The following SAMD12 variants were observed in gnomAD, a reference collection of about 807,000 sequenced individuals.
SAMD12 encodes the protein sterile alpha motif domain-containing protein 12.
SAMD12 carries 9 observed loss-of-function variants against 15.0 expected under a neutral mutation model. The ratio of observed to expected loss-of-function variants is 0.60; its 90% CI spans 0.36 to 1.05. SAMD12 has a LOEUF of 1.05. Ranked by LOEUF, SAMD12 falls within the 50% of genes least tolerant of loss-of-function variation. The pLI is 0.01. For missense variants in SAMD12, 230 were observed against 234.2 expected, an observed-to-expected ratio of 0.98 and a Z score of 0.12; for synonymous variants, 86 against 90.1, an observed-to-expected ratio of 0.96 and a Z score of 0.25.
At chr8:118,156,864 G>A in the SAMD12 span, among the ~76,000 whole-genome samples, 1 of 151,916 alleles carries the variant, frequency 6.6e-6, no homozygotes, top group Non-Finnish European at 1.5e-5. Context: ...GATGCTCTTT[G>A]CAGTTATCAA....
the SAMD12 span, among the ~76,000 whole-genome samples, chr8:118,153,988 A>G: frequency 6.6e-6 from 1 of 152,068 alleles, no homozygotes; most frequent in East Asian, 1.9e-4. Context: ...TTTGTCTTTT[A>G]TTTGGATTGC....
intron 3 of SAMD12, among the ~76,000 whole-genome samples, chr8:118,392,032 T>C (rs1820302517): frequency 6.6e-6 from 1 of 152,186 alleles, no homozygotes; most frequent in Non-Finnish European, 1.5e-5. Flanking sequence ...TGTGATAATT[T>C]ACCTGTCTAG....
chr8:118,420,335 G>A (rs2514991), intron 3 of SAMD12, among the ~76,000 whole-genome samples: 142,085 of 152,246 alleles, frequency 0.93, 66,567 homozygotes, highest in Non-Finnish European at 0.98. Context: ...AGAATTCACA[G>A]TACAACCTAA....
rs546089364 is a variant in SAMD12, at chr8:118,380,519, C to T, written c.323-819G>A. Among the ~76,000 whole-genome samples the T allele has an allele frequency of 6.6e-5, 10 of 152,282 alleles. No homozygotes were observed. In the South Asian group the frequency reaches 1.9e-3, roughly 28 times the overall value. ...CTACTGTGATTTCCATCAAATTCTC[C>T]TCCACTCTGTGCTTGCCCTAAAATA... On this transcript the variant is annotated intron_variant, in intron 3 of 3. Transcript: ENST00000314727.
the SAMD12 span, among the ~76,000 whole-genome samples, chr8:118,156,364 G>T: frequency 1.3e-5 from 2 of 152,174 alleles, no homozygotes; most frequent in African/African-American, 4.8e-5. Flanking sequence ...CAAATGTCTT[G>T]CAGCCAACTT....
chr8:118,447,628 TACAAAGGCTCACTTGATCTAGC>T (rs1822953193), intron 2 of SAMD12, among the ~76,000 whole-genome samples: 1 of 151,702 alleles, frequency 6.6e-6, no homozygotes, highest in African/African-American at 2.4e-5. Flanking sequence ...TAAAATGACT[TACAAAGGCTCACTTGATCTAGC>T]TACCCAGCTC....
At chr8:118,249,052 A>G (rs754515900) in intron 4 of SAMD12, among the ~76,000 whole-genome samples, 27 of 152,182 alleles carry the variant, frequency 1.8e-4, no homozygotes, top group South Asian at 6.2e-4. Context: ...GTATTTGCAT[A>G]TAACCTACTC....
At chr8:118,373,025 C>T (rs563554444), downstream of SAMD12, among the ~76,000 whole-genome samples, 4 of 152,128 alleles carry the variant, frequency 2.6e-5, no homozygotes, top group East Asian at 7.7e-4. Context: ...AACCAAGGAG[C>T]ATTGGGAGAG....
chr8:118,415,822 A>G (rs1324723285), intron 3 of SAMD12, among the ~76,000 whole-genome samples: 2 of 152,180 alleles, frequency 1.3e-5, no homozygotes, highest in Non-Finnish European at 2.9e-5. Flanking sequence ...TTCCACACGC[A>G]GAAGTGGCAG....
At chr8:118,290,288 G>T (rs1001495043) in intron 4 of SAMD12, among the ~76,000 whole-genome samples, 1 of 152,118 alleles carries the variant, frequency 6.6e-6, no homozygotes, top group Admixed American at 6.5e-5. Context: ...AAACTCTCCA[G>T]CCTCACAAGT....
At chr8:118,429,180 A>G (rs1190729134) in intron 3 of SAMD12, among the ~76,000 whole-genome samples, 1 of 152,082 alleles carries the variant, frequency 6.6e-6, no homozygotes, top group Non-Finnish European at 1.5e-5. Context: ...GTAATCTTGT[A>G]TTTTGCGCAC....
chr8:118,212,329 G>C (rs1280572489), intron 4 of SAMD12, among the ~76,000 whole-genome samples: 1 of 151,834 alleles, frequency 6.6e-6, no homozygotes. Context: ...ATGTACCACT[G>C]AGAAAGAAAA....
chr8:118,536,023 C>T (rs988994326), intron 2 of SAMD12, among the ~76,000 whole-genome samples: 1 of 152,204 alleles, frequency 6.6e-6, no homozygotes, highest in African/African-American at 2.4e-5. Context: ...CAGAAATCAC[C>T]TGTCTTCTGC....
intron 2 of SAMD12, among the ~76,000 whole-genome samples, chr8:118,512,202 G>C (rs1825109089): frequency 6.6e-6 from 1 of 152,174 alleles, no homozygotes; most frequent in Non-Finnish European, 1.5e-5. Context: ...GACTTTGGCG[G>C]AACTTCCAGG....
chr8:118,334,736 C>T (rs1439981410), intron 4 of SAMD12, among the ~76,000 whole-genome samples: 1 of 152,136 alleles, frequency 6.6e-6, no homozygotes, highest in East Asian at 1.9e-4. Flanking sequence ...GCTGGGGCTA[C>T]TGTCATGCAC....
At chr8:118,145,854 T>C in the SAMD12 span, among the ~76,000 whole-genome samples, 6 of 152,192 alleles carry the variant, frequency 3.9e-5, no homozygotes, top group Non-Finnish European at 8.8e-5. Context: ...GGTCATTGTC[T>C]GGGGCTGCCC....
intron 4 of SAMD12, among the ~76,000 whole-genome samples, chr8:118,322,864 T>G (rs1816355614): frequency 2.4e-5 from 3 of 125,038 alleles, no homozygotes; most frequent in East Asian, 4.2e-4. Context: ...ATCTTCATCA[T>G]TTTTTAAATT....
At chr8:118,578,351 T>C (rs1316666243) in intron 2 of SAMD12, among the ~76,000 whole-genome samples, 1 of 152,194 alleles carries the variant, frequency 6.6e-6, no homozygotes, top group Non-Finnish European at 1.5e-5. Flanking sequence ...GATTATTTCC[T>C]TAGGTAAGTT....
intron 2 of SAMD12, among the ~76,000 whole-genome samples, 154 bp from the exon 3 acceptor site, chr8:118,440,115 C>T (rs1279745996): frequency 6.6e-6 from 1 of 152,140 alleles, no homozygotes; most frequent in Non-Finnish European, 1.5e-5. Context: ...TAGACCTTCT[C>T]AATACTGCTG....
Sources: allele counts gnomAD v4.1 joint callset (sites outside exome capture counted in the v4.1 genomes callset), GRCh38; gene constraint gnomAD v4.1.1; transcripts MANE v1.5; gene names NCBI Gene and HGNC (gene_info 2026-07-23, HGNC 2026-07-21).